Variants in CLCN5 observed in about 807,000 individuals in gnomAD.
The protein encoded by CLCN5 is H(+)/Cl(-) exchange transporter 5.
In CLCN5, 17 loss-of-function variants were observed where a neutral mutation model predicts 54.0. The observed-to-expected ratio is 0.31, with a 90% CI of 0.22 to 0.47. CLCN5 has a LOEUF of 0.47. Ranked by LOEUF, CLCN5 falls within the 20% of genes least tolerant of loss-of-function variation. CLCN5 has a pLI of 1.00. For missense variants in CLCN5, 448 were observed against 646.7 expected, an observed-to-expected ratio of 0.69 and a Z score of 3.33; for synonymous variants, 222 against 233.0, an observed-to-expected ratio of 0.95 and a Z score of 0.43.
At position 50,063,428 on chromosome X, in the gene CLCN5, C is replaced by T. The variant is rs782389732; in HGVS notation, c.164-6451C>T. Among the ~76,000 whole-genome samples, 40 of 108,273 alleles carry T rather than the reference C, an allele frequency of 3.7e-4. 1 individual carries two copies. Among genetic ancestry groups the T allele is most frequent in the Admixed American group, 8.7e-4 (9 of 10,375 alleles). 94.0% of individuals were successfully genotyped at this position (108,273 alleles called of 115,157 possible). On this transcript the variant is annotated intron_variant, in intron 4 of 14. Coordinates refer to ENST00000376091, the MANE Select transcript of CLCN5 (RefSeq NM_001127898.4). ...ATCTAGAACAAATGGATGCATTCCT[C>T]GACACATACACTCTCCCAAGACTAA...
intron 3 of CLCN5, among the ~76,000 whole-genome samples, chrX:49,965,641 C>T (rs919169952): frequency 6.3e-5 from 7 of 111,463 alleles, no homozygotes; most frequent in African/African-American, 2.3e-4. Flanking sequence ...CTAGAACCTC[C>T]GATATAATGT....
At position 50,075,940 on chromosome X, in the gene CLCN5, A is replaced by G; in HGVS notation, c.561A>G (p.Pro187=). 3 of 1,211,806 alleles carry G rather than the reference A, an allele frequency of 2.5e-6. No homozygotes were observed. The highest frequency in any genetic ancestry group is 1.8e-5 in the South Asian group (1 of 56,999). ...HVTFEERDKC[P]EWNSWSQLII... ...CCTTTGAAGAGAGAGACAAATGTCC[A>G]GAGTGGAATAGTTGGTCCCAGCTTA... Residue 187 remains proline (P), a synonymous_variant, in exon 7 of 15, where the codon CCA becomes CCG. Coordinates refer to ENST00000376091, the MANE Select transcript of CLCN5 (RefSeq NM_001127898.4).
At position 49,935,282 on chromosome X, in the gene CLCN5, C is replaced by G. The variant is rs1291799790; in HGVS notation, c.16+9968C>G. 4.5e-5 allele frequency among the ~76,000 whole-genome samples: 5 copies of G among 112,047 alleles called. 1 individual carries two copies. The highest frequency in any genetic ancestry group is 9.4e-5 in the Non-Finnish European group (5 of 53,227). Reference sequence around the variant, plus strand: ...ACATTCCTAGCAACTACCTGCTTATCTTTCAGCCATGAGCTTTTCCTGAAG... The same window carrying G: ...ACATTCCTAGCAACTACCTGCTTATGTTTCAGCCATGAGCTTTTCCTGAAG... On this transcript the variant is annotated intron_variant, in intron 3 of 14. Coordinates refer to ENST00000376091, the MANE Select transcript of CLCN5 (RefSeq NM_001127898.4).
intron 3 of CLCN5, among the ~76,000 whole-genome samples, chrX:49,967,215 T>TGGCAAACCGAATCC (rs2060334791): frequency 1.7e-4 from 4 of 24,224 alleles, no homozygotes; most frequent in Admixed American, 4.9e-4. Context: ...ATGGTTGAAC[T>TGGCAAACCGAATCC]AGTTTACAGT....
chrX:50,095,119 AG>A lies in CLCN5; in HGVS notation c.*2903del, dbSNP rs1178352297. ...TGAGAAAATTGCCTAACACAAGGGAAGGGTTTACAAAAGAATGCCAATTAGT... is the reference window on the plus strand; with the variant it reads ...TGAGAAAATTGCCTAACACAAGGGAAGGTTTACAAAAGAATGCCAATTAGT... On this transcript the variant is annotated 3_prime_UTR_variant, in exon 15 of 15. Coordinates refer to ENST00000376091, the MANE Select transcript of CLCN5 (RefSeq NM_001127898.4). 3.6e-5 allele frequency: 4 copies of A among 112,488 alleles called. No individual in the cohort carries two copies. The highest frequency in any genetic ancestry group is 7.5e-5 in the Non-Finnish European group (4 of 53,234). 9.3% of individuals were successfully genotyped at this position (112,488 alleles called of 1,213,427 possible).
intron 3 of CLCN5, among the ~76,000 whole-genome samples, chrX:49,938,575 T>C (rs1258190397): frequency 3.6e-5 from 4 of 111,894 alleles, no homozygotes; most frequent in Non-Finnish European, 7.5e-5. Context: ...CTGGGAAAAC[T>C]GGCTAGCCAT....
chrX:49,936,001 T>C (rs1489819902), intron 3 of CLCN5, among the ~76,000 whole-genome samples: 2 of 111,258 alleles, frequency 1.8e-5, no homozygotes, highest in Non-Finnish European at 3.8e-5. Flanking sequence ...GCCCAGCACA[T>C]AGTATGTGCT....
chrX:49,964,195 G>A (rs1003014465), intron 3 of CLCN5, among the ~76,000 whole-genome samples: 27 of 112,393 alleles, frequency 2.4e-4, no homozygotes, highest in Non-Finnish European at 3.9e-4. Flanking sequence ...CAGTAGGTAA[G>A]AGATTACTTT....
chrX:50,083,172 T>G (rs1203529395), intron 9 of CLCN5, among the ~76,000 whole-genome samples: 5 of 102,861 alleles, frequency 4.9e-5, no homozygotes, highest in Non-Finnish European at 9.7e-5. Flanking sequence ...AACAGGAACC[T>G]AATGATTTCT....
At chrX:49,958,510 G>A (rs1927444144) in intron 3 of CLCN5, among the ~76,000 whole-genome samples, 1 of 111,578 alleles carries the variant, frequency 9.0e-6, no homozygotes, top group Admixed American at 9.5e-5. Flanking sequence ...CTGTTTACTA[G>A]TTCATTATAA....
intron 3 of CLCN5, among the ~76,000 whole-genome samples, chrX:50,035,904 T>C (rs1433052739): frequency 8.9e-6 from 1 of 112,733 alleles, no homozygotes; most frequent in Non-Finnish European, 1.9e-5. Flanking sequence ...GCTGTCCTTC[T>C]TAGCTCTCAA....
intron 3 of CLCN5, among the ~76,000 whole-genome samples, chrX:49,932,526 C>G (rs1330030650): frequency 1.8e-5 from 2 of 111,808 alleles, no homozygotes; most frequent in Non-Finnish European, 3.8e-5. Context: ...ATGTGTGGCC[C>G]CCTGGACAAC....
intron 4 of CLCN5, among the ~76,000 whole-genome samples, chrX:50,048,225 C>T (rs781825377): frequency 2.0e-4 from 23 of 112,417 alleles, no homozygotes; most frequent in African/African-American, 7.4e-4. Flanking sequence ...GTTCGTGCTC[C>T]TCTGAGAATC....
At chrX:49,962,191 A>G (rs782265591) in intron 3 of CLCN5, among the ~76,000 whole-genome samples, 3 of 112,201 alleles carry the variant, frequency 2.7e-5, no homozygotes, top group African/African-American at 9.7e-5. Flanking sequence ...ATCCATGTCT[A>G]TTTTATTGAA....
intron 3 of CLCN5, among the ~76,000 whole-genome samples, chrX:50,007,427 C>G (rs939343986): frequency 1.0e-5 from 1 of 99,852 alleles, no homozygotes; most frequent in African/African-American, 4.3e-5. Flanking sequence ...CTCTCTCTCT[C>G]TCTCTCTCTC....
chrX:50,007,778 C>T (rs1463707854), intron 3 of CLCN5, among the ~76,000 whole-genome samples: 1 of 111,908 alleles, frequency 8.9e-6, no homozygotes, highest in Non-Finnish European at 1.9e-5. Flanking sequence ...GTGCCAGGTA[C>T]TATACTTTAT....
intron 4 of CLCN5, among the ~76,000 whole-genome samples, chrX:50,069,087 C>T (rs1557191250): frequency 1.8e-5 from 2 of 111,666 alleles, no homozygotes; most frequent in Non-Finnish European, 3.8e-5. Flanking sequence ...GAGAAGGGAA[C>T]GATGAATCAG....
intron 3 of CLCN5, among the ~76,000 whole-genome samples, chrX:49,961,898 A>G (rs1303199537): frequency 1.8e-5 from 2 of 112,148 alleles, no homozygotes; most frequent in Admixed American, 1.9e-4. Context: ...CCAGAAGTCC[A>G]TCATTCTGAG....
At chrX:50,007,440 T>TCTCTCTCTCTCA (rs1374630944) in intron 3 of CLCN5, among the ~76,000 whole-genome samples, 1 of 69,533 alleles carries the variant, frequency 1.4e-5, no homozygotes, top group African/African-American at 5.3e-5. Context: ...TCTCTCTCTG[T>TCTCTCTCTCTCA]CACACACACA....
Sources: allele counts gnomAD v4.1 joint callset (sites outside exome capture counted in the v4.1 genomes callset), GRCh38; gene constraint gnomAD v4.1.1; transcripts MANE v1.5; gene names NCBI Gene and HGNC (gene_info 2026-07-23, HGNC 2026-07-21).